The following TLN2 variants were observed in gnomAD, a reference collection of about 807,000 sequenced individuals.
The protein encoded by TLN2 is talin 2.
A neutral mutation model predicts 294.7 loss-of-function variants in TLN2; 118 were observed. The ratio of observed to expected loss-of-function variants is 0.40; its 90% CI spans 0.34 to 0.47. TLN2 has a LOEUF of 0.47. TLN2 is among the 20% of genes least tolerant of loss of function. The pLI, the probability that TLN2 is intolerant of heterozygous loss-of-function variation, is 0.84. For synonymous variants in TLN2, 1,431 were observed against 1,304.5 expected (o/e 1.10, Z -2.09); for missense variants, 3,083 against 3,282.2 (o/e 0.94, Z 1.48).
intron 28 of TLN2, among the ~76,000 whole-genome samples, chr15:62,730,500 T>C: frequency 6.6e-6 from 1 of 152,236 alleles, no homozygotes; most frequent in East Asian, 1.9e-4. Context: ...ATTTCTCTTC[T>C]ACCTGAAGAA....
intron 9 of TLN2, among the ~76,000 whole-genome samples, chr15:62,667,234 G>A (rs1339309323): frequency 1.3e-5 from 2 of 152,282 alleles, no homozygotes; most frequent in African/African-American, 2.4e-5. Flanking sequence ...CCAAAGTGCT[G>A]GGATTACAGG....
At chr15:62,620,336 A>C (rs1227937245) in intron 3 of TLN2, among the ~76,000 whole-genome samples, 2 of 152,048 alleles carry the variant, frequency 1.3e-5, no homozygotes, top group Non-Finnish European at 2.9e-5. Flanking sequence ...TATATAAGCA[A>C]ATTTACCAGC....
At chr15:62,639,769 C>T (rs1052029365) in intron 3 of TLN2, among the ~76,000 whole-genome samples, 1 of 152,178 alleles carries the variant, frequency 6.6e-6, no homozygotes, top group African/African-American at 2.4e-5. Context: ...TCTGGGTTCC[C>T]ACCAGTTGGG....
At chr15:62,650,226 G>C in intron 5 of TLN2, 45 bp downstream of exon 5, 3 of 1,600,038 alleles carry the variant, frequency 1.9e-6, no homozygotes, top group Non-Finnish European at 2.6e-6. Context: ...CTTTGTCCCT[G>C]GGCCTTCTTC....
chr15:62,563,220 G>A, intron 1 of TLN2, among the ~76,000 whole-genome samples: 1 of 152,006 alleles, frequency 6.6e-6, no homozygotes, highest in East Asian at 1.9e-4. Context: ...CAGCAGTGTA[G>A]AAGTGCTCCC....
At chr15:62,613,206 C>A (rs887352165) in intron 2 of TLN2, among the ~76,000 whole-genome samples, 3 of 152,200 alleles carry the variant, frequency 2.0e-5, no homozygotes, top group African/African-American at 7.2e-5. Context: ...GGATGGAATA[C>A]ATAGAATCAG....
chr15:62,532,181 C>T (rs966051123), intron 1 of TLN2, among the ~76,000 whole-genome samples: 1 of 151,998 alleles, frequency 6.6e-6, no homozygotes, highest in African/African-American at 2.4e-5. Context: ...CCCTGAGTGG[C>T]TGGGACCACA....
chr15:62,717,809 C>T, intron 24 of TLN2, 120 bp downstream of exon 24: 2 of 689,924 alleles, frequency 2.9e-6, no homozygotes, highest in South Asian at 5.9e-5. Context: ...CCAATTTGCC[C>T]CAGTTCCCAT....
intron 44 of TLN2, among the ~76,000 whole-genome samples, chr15:62,782,471 A>G (rs1288849061): frequency 6.6e-6 from 1 of 152,172 alleles, no homozygotes; most frequent in African/African-American, 2.4e-5. Flanking sequence ...GTGTTTCTGG[A>G]ATGTCTCCAG....
intron 1 of TLN2, among the ~76,000 whole-genome samples, chr15:62,498,734 G>T (rs1042806338): frequency 1.5e-5 from 2 of 133,270 alleles, no homozygotes; most frequent in Non-Finnish European, 3.1e-5. Context: ...TTCTTAGGAG[G>T]GTTTTTTTTT....
intron 1 of TLN2, among the ~76,000 whole-genome samples, chr15:62,482,795 C>A (rs1397830105): frequency 6.6e-6 from 1 of 151,952 alleles, no homozygotes; most frequent in African/African-American, 2.4e-5. Flanking sequence ...ACCTGCAGAC[C>A]CAGCGGTGGC....
rs2059124143 is a variant in TLN2, at chr15:62,707,157, T to C, written c.2076T>C (p.Val692=). Residue 692 remains valine, a synonymous_variant, in exon 20 of 59, where the codon GTT becomes GTC. Transcript: ENST00000636159. ...TGTTGGTACTAAAGGCAAAGAATGT[T>C]GCCCAAGTGGCCGAAGACACTGTCC... ...AAMLVLKAKN[V]AQVAEDTVLQ... The C allele has an allele frequency of 6.2e-7, 1 of 1,614,132 alleles. No individual in the cohort carries two copies. The highest frequency in any genetic ancestry group is 1.7e-5 in the Admixed American group (1 of 60,006).
At chr15:62,747,436 T>C (rs1318091891) in intron 32 of TLN2, among the ~76,000 whole-genome samples, 2 of 152,180 alleles carry the variant, frequency 1.3e-5, no homozygotes, top group East Asian at 1.9e-4. Flanking sequence ...ATATAGAATT[T>C]AATGGAAGGA....
intron 1 of TLN2, among the ~76,000 whole-genome samples, chr15:62,439,416 G>A (rs1218665546): frequency 2.0e-5 from 3 of 152,034 alleles, no homozygotes; most frequent in African/African-American, 7.2e-5. Flanking sequence ...GGGTTCAAGT[G>A]ATTATCCTGC....
intron 33 of TLN2, 114 bp downstream of exon 33, chr15:62,748,558 C>T (rs953036821): frequency 2.3e-6 from 2 of 863,554 alleles, no homozygotes; most frequent in African/African-American, 1.7e-5. Flanking sequence ...GGCTAGTTTT[C>T]TCTTCTCTGT....
intron 11 of TLN2, among the ~76,000 whole-genome samples, chr15:62,679,826 C>T (rs1424765091): frequency 2.0e-5 from 3 of 152,206 alleles, no homozygotes; most frequent in African/African-American, 7.2e-5. Flanking sequence ...AGTTCACCAG[C>T]ATTACATGTA....
At chr15:62,422,219 CA>C (rs386383227) in intron 1 of TLN2, among the ~76,000 whole-genome samples, 834 of 55,322 alleles carry the variant, frequency 0.015, 3 homozygotes, top group African/African-American at 0.055. Context: ...AACTCTGTCT[CA>C]AAAAAAAAAA....
chr15:62,693,001 G>C, intron 13 of TLN2, 60 bp downstream of exon 13: 2 of 1,428,912 alleles, frequency 1.4e-6, no homozygotes, highest in South Asian at 2.4e-5. Flanking sequence ...GCTTGGTTTC[G>C]ATGACGTGGC....
intron 22 of TLN2, 68 bp from the exon 23 acceptor site, chr15:62,716,263 T>C: frequency 7.1e-7 from 1 of 1,412,240 alleles, no homozygotes; most frequent in South Asian, 1.8e-5. Context: ...GAAAAAATAA[T>C]ACTGAAGGCA....
Sources: allele counts gnomAD v4.1 joint callset (sites outside exome capture counted in the v4.1 genomes callset), GRCh38; gene constraint gnomAD v4.1.1; transcripts MANE v1.5; gene names NCBI Gene and HGNC (gene_info 2026-07-23, HGNC 2026-07-21).